Variants in COL10A1 observed in about 807,000 individuals in gnomAD.
COL10A1 encodes collagen type X alpha 1 chain.
In COL10A1, 10 loss-of-function variants were observed where a neutral mutation model predicts 18.2. The observed-to-expected ratio is 0.55, with a 90% CI of 0.34 to 0.93. COL10A1 has a LOEUF of 0.93. Ranked by LOEUF, COL10A1 falls within the 40% of genes least tolerant of loss-of-function variation. COL10A1 has a pLI of 0.02. For missense variants in COL10A1, 897 were observed against 853.5 expected (o/e 1.05, Z -0.64); for synonymous variants, 330 against 316.6 (o/e 1.04, Z -0.45).
chr6:116,174,138 A>T, the COL10A1 span, among the ~76,000 whole-genome samples: 1 of 152,172 alleles, frequency 6.6e-6, no homozygotes, highest in Non-Finnish European at 1.5e-5. Context: ...TGTCAACATG[A>T]CATCACTGCT....
intron 1 of COL10A1, among the ~76,000 whole-genome samples, chr6:116,154,029 C>CT (rs34356532): frequency 0.011 from 1,341 of 122,326 alleles, 14 homozygotes; most frequent in South Asian, 0.05. Flanking sequence ...GGGAAGATTT[C>CT]TTTTTTTTTT....
chr6:116,156,306 TA>T (rs969230860), intron 1 of COL10A1, among the ~76,000 whole-genome samples: 8 of 152,112 alleles, frequency 5.3e-5, no homozygotes, highest in East Asian at 1.9e-4. Context: ...TTTTTGGAGT[TA>T]AAAAAAATTT....
At chr6:116,180,915 TG>T in the COL10A1 span, among the ~76,000 whole-genome samples, 1 of 152,066 alleles carries the variant, frequency 6.6e-6, no homozygotes. Context: ...TGGGAGATGC[TG>T]GTGACATTTT....
the COL10A1 span, among the ~76,000 whole-genome samples, chr6:116,165,606 C>G: frequency 6.6e-6 from 1 of 152,344 alleles, no homozygotes; most frequent in African/African-American, 2.4e-5. Flanking sequence ...CAACAGTGGA[C>G]TGAGGGAGCA....
the COL10A1 span, among the ~76,000 whole-genome samples, chr6:116,165,658 C>A: frequency 6.6e-6 from 1 of 152,188 alleles, no homozygotes; most frequent in African/African-American, 2.4e-5. Context: ...CCACCAGTAC[C>A]ACCCCATTCA....
At chr6:116,186,279 C>G in the COL10A1 span, among the ~76,000 whole-genome samples, 1 of 151,350 alleles carries the variant, frequency 6.6e-6, no homozygotes, top group African/African-American at 2.4e-5. Context: ...TTACCTGATG[C>G]TTTTGTCTCA....
chr6:116,120,615 AG>A lies in COL10A1; in HGVS notation c.1500del (p.Ser501LeufsTer26). ...GPPGPPGPRG[H>X]SGEPGLPGPP... is the part of the protein sequence containing the mutation. ...GGCCCTGGAAGACCAGGCTCTCCAGAGTGGCCTCTTGGACCTGGAGGCCCTG... is the reference window on the plus strand; with the variant it reads ...GGCCCTGGAAGACCAGGCTCTCCAGATGGCCTCTTGGACCTGGAGGCCCTG... On this transcript the variant is annotated frameshift_variant, in exon 3 of 3. Coordinates refer to ENST00000651968, the MANE Select transcript of COL10A1 (RefSeq NM_000493.4). LOFTEE classifies it low-confidence loss of function (END_TRUNC). 1 of 1,566,434 alleles carries A rather than the reference AG, an allele frequency of 6.4e-7. No individual in the cohort carries two copies. Among genetic ancestry groups the A allele is most frequent in the African/African-American group, 1.4e-5 (1 of 72,718 alleles).
chr6:116,160,948 CCAA>C (rs1780312773), upstream of COL10A1, among the ~76,000 whole-genome samples: 1 of 151,860 alleles, frequency 6.6e-6, no homozygotes, highest in Non-Finnish European at 1.5e-5. Context: ...ACCCAGATGT[CCAA>C]CAATGATAGA....
chr6:116,156,026 C>A (rs569563036), intron 1 of COL10A1, among the ~76,000 whole-genome samples: 1 of 152,236 alleles, frequency 6.6e-6, no homozygotes, highest in Admixed American at 6.5e-5. Context: ...CTTTTATCTC[C>A]TGTAATAAAA....
chr6:116,189,853 G>A, the COL10A1 span, among the ~76,000 whole-genome samples: 5 of 151,996 alleles, frequency 3.3e-5, no homozygotes, highest in East Asian at 1.9e-4. Context: ...AAATGCTTCC[G>A]TTCAGGGGAA....
chr6:116,185,082 A>T, the COL10A1 span, among the ~76,000 whole-genome samples: 5,962 of 152,122 alleles, frequency 0.039, 266 homozygotes, highest in East Asian at 0.2. Context: ...ATTAAGTTTA[A>T]AGAATTTTTA....
intron 1 of COL10A1, among the ~76,000 whole-genome samples, chr6:116,140,123 C>T (rs907767326): frequency 6.6e-6 from 1 of 152,168 alleles, no homozygotes; most frequent in Non-Finnish European, 1.5e-5. Flanking sequence ...ATGCCGCCCT[C>T]CTATGGACAC....
the COL10A1 span, among the ~76,000 whole-genome samples, chr6:116,185,824 A>G: frequency 2.6e-5 from 4 of 152,098 alleles, no homozygotes; most frequent in African/African-American, 9.7e-5. Flanking sequence ...CCATTCTGTC[A>G]TTCTGTATCT....
At chr6:116,192,468 G>T in the COL10A1 span, among the ~76,000 whole-genome samples, 1 of 152,002 alleles carries the variant, frequency 6.6e-6, no homozygotes, top group African/African-American at 2.4e-5. Flanking sequence ...ACTATATACA[G>T]ATGAAAGACT....
At chr6:116,187,970 T>C in the COL10A1 span, among the ~76,000 whole-genome samples, 1 of 152,008 alleles carries the variant, frequency 6.6e-6, no homozygotes, top group Non-Finnish European at 1.5e-5. Context: ...AAGACTTTTA[T>C]CTAGTGTAAA....
At chr6:116,212,334 C>T in the COL10A1 span, among the ~76,000 whole-genome samples, 3 of 152,026 alleles carry the variant, frequency 2.0e-5, no homozygotes, top group Non-Finnish European at 2.9e-5. Context: ...ATTAAAATAG[C>T]TGCTTAACTA....
chr6:116,199,110 T>C, the COL10A1 span, among the ~76,000 whole-genome samples: 1 of 151,920 alleles, frequency 6.6e-6, no homozygotes, highest in Non-Finnish European at 1.5e-5. Flanking sequence ...CAAATGTCCC[T>C]GGGGGGTGAG....
chr6:116,178,082 TGTGTGTGCGCGCGCGCGCGCGTGC>T, the COL10A1 span, among the ~76,000 whole-genome samples: 7 of 107,306 alleles, frequency 6.5e-5, no homozygotes, highest in African/African-American at 9.6e-5. Context: ...TGTGTGTGTG[TGTGTGTGCGCGCGCGCGCGCGTGC>T]GTGCGTGTGT....
chr6:116,142,788 A>C (rs1262842392), intron 1 of COL10A1, among the ~76,000 whole-genome samples: 2 of 152,228 alleles, frequency 1.3e-5, no homozygotes, highest in East Asian at 3.8e-4. Flanking sequence ...TGTCTGGCTC[A>C]GACTGAAGAT....
Sources: gnomAD v4.1 joint callset for allele counts (sites outside exome capture counted in the v4.1 genomes callset) on GRCh38, gnomAD v4.1.1 for gene constraint, MANE v1.5 for transcripts, NCBI Gene and HGNC (gene_info 2026-07-23, HGNC 2026-07-21) for gene names.